LRP5: variants seen among roughly 807,000 people sequenced by gnomAD.
LRP5 encodes the protein LDL receptor related protein 5.
A neutral mutation model predicts 154.1 loss-of-function variants in LRP5; 62 were observed. The observed-to-expected ratio is 0.40, with a 90% confidence interval of 0.33 to 0.50. LRP5 has a LOEUF of 0.50. LRP5 is among the 20% of genes least tolerant of loss of function. The pLI, the probability that LRP5 is intolerant of heterozygous loss-of-function variation, is 0.55. For missense variants in LRP5, 1,915 were observed against 2,336.7 expected (o/e 0.82, Z 3.72); for synonymous variants, 966 against 1,011.5 (o/e 0.96, Z 0.85).
At chr11:68,316,574 T>C (rs964248643) in intron 1 of LRP5, among the ~76,000 whole-genome samples, 5 of 152,214 alleles carry the variant, frequency 3.3e-5, no homozygotes, top group Non-Finnish European at 5.9e-5. Flanking sequence ...GCCCGGCCTA[T>C]TTCAGCCCTT....
intron 1 of LRP5, among the ~76,000 whole-genome samples, chr11:68,336,152 G>A (rs1014102136): frequency 3.3e-5 from 5 of 152,174 alleles, no homozygotes; most frequent in African/African-American, 7.2e-5. Context: ...GCTTGTCCAC[G>A]AAGAAGCTGG....
intron 5 of LRP5, among the ~76,000 whole-genome samples, chr11:68,375,080 G>A (rs1321879344): frequency 2.6e-5 from 4 of 152,244 alleles, no homozygotes; most frequent in African/African-American, 7.2e-5. Flanking sequence ...CGAGCTTTGC[G>A]CTTGCAGGGT....
intron 6 of LRP5, 106 bp from the exon 7 acceptor site, chr11:68,389,775 G>A: frequency 1.8e-6 from 2 of 1,093,496 alleles, no homozygotes; most frequent in Non-Finnish European, 2.8e-6. Context: ...TCAACATTTA[G>A]CCATGTGATG....
chr11:68,397,110 C>G (rs2098649841), intron 7 of LRP5, among the ~76,000 whole-genome samples: 1 of 152,156 alleles, frequency 6.6e-6, no homozygotes, highest in African/African-American at 2.4e-5. Context: ...TGCAGCCACA[C>G]TCAGCTTCTC....
intron 9 of LRP5, among the ~76,000 whole-genome samples, chr11:68,408,843 T>C (rs1426031212): frequency 6.6e-6 from 1 of 151,568 alleles, no homozygotes; most frequent in Non-Finnish European, 1.5e-5. Context: ...AGCCCAGAAG[T>C]TTGAGACCGG....
chr11:68,447,624 C>T lies in LRP5; in HGVS notation c.4586+1091C>T, dbSNP rs544488604. Reference sequence around the variant, plus strand: ...CCCACCTCCTGCCTTTGCTCATGCCCGTCCTGCTCTGGGCCCACCGCGGAC... The same window carrying T: ...CCCACCTCCTGCCTTTGCTCATGCCTGTCCTGCTCTGGGCCCACCGCGGAC... On this transcript the variant is annotated intron_variant, in intron 22 of 22. Transcript: ENST00000294304. The surrounding 1 kb of genome is among the most constrained non-coding windows in gnomAD (Gnocchi z 4.3). Among the ~76,000 whole-genome samples, 10 of 152,202 alleles carry T rather than the reference C, an allele frequency of 6.6e-5. No individual in the cohort carries two copies. Among genetic ancestry groups the T allele is most frequent in the South Asian group, 6.2e-4 (3 of 4,818 alleles).
intron 5 of LRP5, among the ~76,000 whole-genome samples, chr11:68,380,590 C>T (rs183008985): frequency 2.6e-5 from 4 of 152,310 alleles, no homozygotes; most frequent in African/African-American, 4.8e-5. Context: ...CTTTTGTGGT[C>T]GGGATCTGCT....
Position 68,312,620 on chromosome 11 carries a change from G to T in LRP5, c.-95G>T. On this transcript the variant is annotated 5_prime_UTR_variant, in exon 1 of 23. Transcript: ENST00000294304. Reference sequence around the variant, plus strand: ...TCCTGGTCCGCGGCGCCCGAGGGGGGAGGCGGAGGCGCCGGGAGCCGCGCG... The same window carrying T: ...TCCTGGTCCGCGGCGCCCGAGGGGGTAGGCGGAGGCGCCGGGAGCCGCGCG... 1 of 440,994 alleles carries T rather than the reference G, an allele frequency of 2.3e-6. No homozygotes were observed. Among genetic ancestry groups the T allele is most frequent in the Non-Finnish European group, 3.0e-6 (1 of 332,736 alleles). The allele number at this position is 440,994 out of a possible 1,614,324, so 27.3% of individuals were successfully genotyped here.
At chr11:68,377,697 C>T (rs184062103) in intron 5 of LRP5, among the ~76,000 whole-genome samples, 1 of 152,312 alleles carries the variant, frequency 6.6e-6, no homozygotes, top group Admixed American at 6.5e-5. Flanking sequence ...TGGCCTGCAC[C>T]GTGACCCCGT....
At chr11:68,422,790 C>T (rs190902953) in intron 13 of LRP5, among the ~76,000 whole-genome samples, 11 of 150,114 alleles carry the variant, frequency 7.3e-5, no homozygotes, top group East Asian at 2.0e-4. Flanking sequence ...ACATCTGTAC[C>T]GATCCCTTTA....
Position 68,439,932 on chromosome 11 carries a change from G to A in LRP5, c.4488+16G>A, listed in dbSNP as rs943010604. The A allele has an allele frequency of 3.3e-6, 5 of 1,516,964 alleles. No individual in the cohort carries two copies. The highest frequency in any genetic ancestry group is 1.4e-5 in the African/African-American group (1 of 72,862). The allele number at this position is 1,516,964 out of a possible 1,614,324, so 94.0% of individuals were successfully genotyped here. On this transcript the variant is annotated intron_variant, in intron 21 of 22. Coordinates refer to ENST00000294304, the MANE Select transcript of LRP5 (RefSeq NM_002335.4). Reference sequence around the variant, plus strand: ...GTACCCGCCGGTGAGGGGCGGGGCCGGGGAGGGGCGGGGCGGGATGGGGCT... The same window carrying A: ...GTACCCGCCGGTGAGGGGCGGGGCCAGGGAGGGGCGGGGCGGGATGGGGCT...
intron 8 of LRP5, among the ~76,000 whole-genome samples, chr11:68,404,934 C>T (rs2098654684): frequency 1.4e-5 from 2 of 143,992 alleles, no homozygotes; most frequent in South Asian, 4.4e-4. Flanking sequence ...TGCGCCACTG[C>T]AGTCCGCAGT....
At chr11:68,388,927 C>T (rs1016963950) in intron 6 of LRP5, among the ~76,000 whole-genome samples, 2 of 152,230 alleles carry the variant, frequency 1.3e-5, no homozygotes, top group Non-Finnish European at 2.9e-5. Context: ...CCAGCATCTA[C>T]TGACACCAAC....
chr11:68,413,557 G>A lies in LRP5; in HGVS notation c.2504-132G>A. On this transcript the variant is annotated intron_variant, in intron 11 of 22. Coordinates refer to ENST00000294304, the MANE Select transcript of LRP5 (RefSeq NM_002335.4). The surrounding 1 kb of genome is among the most constrained non-coding windows in gnomAD (Gnocchi z 5.1). ...GTGGATCTTGCTGGTTTTCCAAGGT[G>A]GCCAAACACTTTAAGGCATTCATGT... 1 of 785,490 alleles carries A rather than the reference G, an allele frequency of 1.3e-6. No individual in the cohort carries two copies. Among genetic ancestry groups the A allele is most frequent in the East Asian group, 2.6e-5 (1 of 38,248 alleles). 48.7% of individuals were successfully genotyped at this position (785,490 alleles called of 1,614,324 possible).
At chr11:68,307,711 G>C (rs1174839652), upstream of LRP5, among the ~76,000 whole-genome samples, 1 of 152,126 alleles carries the variant, frequency 6.6e-6, no homozygotes, top group Admixed American at 6.5e-5. Context: ...CCAGCTACTT[G>C]GGAGGCTGTG....
chr11:68,398,243 A>G (rs538161207), intron 7 of LRP5, among the ~76,000 whole-genome samples: 2 of 152,146 alleles, frequency 1.3e-5, no homozygotes, highest in Admixed American at 6.5e-5. Context: ...ACAGCAGGCG[A>G]CTGTCCAGAG....
chr11:68,428,574 C>T (rs1238125548), intron 16 of LRP5, among the ~76,000 whole-genome samples: 2 of 151,788 alleles, frequency 1.3e-5, no homozygotes, highest in African/African-American at 2.4e-5. Context: ...TTTGTGTCTG[C>T]GTCTTTACCT....
chr11:68,407,729 C>T (rs1204882917), intron 9 of LRP5, among the ~76,000 whole-genome samples: 35 of 151,898 alleles, frequency 2.3e-4, no homozygotes, highest in Admixed American at 2.2e-3. Context: ...TGCCTGTAAT[C>T]GCAGCTACTC....
chr11:68,399,015 C>G (rs2098651158), intron 7 of LRP5, among the ~76,000 whole-genome samples: 1 of 152,114 alleles, frequency 6.6e-6, no homozygotes, highest in African/African-American at 2.4e-5. Flanking sequence ...CGGAGCCCAG[C>G]CTGTTTTTGT....
Sources: allele counts gnomAD v4.1 joint callset (sites outside exome capture counted in the v4.1 genomes callset), GRCh38; gene constraint gnomAD v4.1.1; non-coding constraint Gnocchi (gnomAD v3.1); transcripts MANE v1.5; gene names NCBI Gene and HGNC (gene_info 2026-07-23, HGNC 2026-07-21).